Variants in PEAK3 observed in about 807,000 individuals in gnomAD.
PEAK3 encodes protein PEAK3.
A neutral mutation model predicts 13.3 loss-of-function variants in PEAK3; 15 were observed. The observed-to-expected ratio is 1.13, with a 90% CI of 0.75 to 1.73. The LOEUF (loss-of-function observed/expected upper bound fraction) is 1.73. PEAK3 is among the 40% of genes most tolerant of loss of function. The probability of loss-of-function intolerance (pLI) is 0.00; values close to 1 mark genes in which losing one functional copy is unlikely to be tolerated. For synonymous variants in PEAK3, 347 were observed against 341.9 expected (o/e 1.01, Z -0.17); for missense variants, 739 against 690.2 (o/e 1.07, Z -0.79).
At chr19:2,279,393 A>G (rs2025421442) in intron 2 of PEAK3, among the ~76,000 whole-genome samples, 1 of 152,160 alleles carries the variant, frequency 6.6e-6, no homozygotes, top group Non-Finnish European at 1.5e-5. Context: ...ACAATGGCTC[A>G]TGCCTGTAAT....
intron 3 of PEAK3, among the ~76,000 whole-genome samples, chr19:2,277,339 G>C (rs1448416255): frequency 6.6e-6 from 1 of 152,046 alleles, no homozygotes; most frequent in African/African-American, 2.4e-5. Context: ...GTTCTCGTGA[G>C]ATCTGGCTGT....
At position 2,279,120 on chromosome 19, in the gene PEAK3, G is replaced by C. The variant is rs1406128819; in HGVS notation, c.83-7C>G. ...AGGTGGGCACGGATCTGACCTGCAG[G>C]GAGAGACAGTGGGGGAGGGTTGAGG... On this transcript the variant is annotated splice_polypyrimidine_tract_variant and splice_region_variant and intron_variant, in intron 2 of 3. Transcript: ENST00000342063. The C allele has an allele frequency of 7.0e-7, 1 of 1,429,838 alleles. No homozygotes were observed. Among genetic ancestry groups the C allele is most frequent in the African/African-American group, 1.4e-5 (1 of 69,388 alleles). 88.6% of individuals were successfully genotyped at this position (1,429,838 alleles called of 1,614,324 possible). A position where few individuals can be genotyped will look rare whatever the true frequency, so the allele number is the denominator to read the frequency against.
intron 1 of PEAK3, among the ~76,000 whole-genome samples, chr19:2,281,465 G>A (rs1599160100): frequency 8.9e-6 from 1 of 112,682 alleles, no homozygotes; most frequent in Non-Finnish European, 1.8e-5. Flanking sequence ...GTGTGATCCC[G>A]AGTGGGTTTC....
rs1158858326 is a variant in PEAK3, at chr19:2,275,880, C to T, written c.1222G>A (p.Gly408Ser). The T allele has an allele frequency of 1.4e-6, 2 of 1,430,532 alleles. No individual in the cohort carries two copies. The highest frequency in any genetic ancestry group is 1.8e-6 in the Non-Finnish European group (2 of 1,099,782). 88.6% of individuals were successfully genotyped at this position (1,430,532 alleles called of 1,614,324 possible). A position where few individuals can be genotyped will look rare whatever the true frequency, so the allele number is the denominator to read the frequency against. ...CAGGGACCAAGCGGTGCTCCGCGGC[C>T]GCGCAGCTCAGGCCCGGGCCCCCAG... ...LLWGPGPELR[G>S]RGAPLGPWLR... is the part of the protein sequence containing the mutation. Residue 408 changes from glycine to serine, a missense_variant, in exon 4 of 4, where the codon GGC becomes AGC. By Grantham distance (56) the Gly-to-Ser change is moderately conservative. Coordinates refer to ENST00000342063, the MANE Select transcript of PEAK3 (RefSeq NM_198532.3).
chr19:2,275,875 G>T lies in PEAK3; in HGVS notation c.1227C>A (p.Arg409=). The T allele has an allele frequency of 2.1e-6, 3 of 1,440,308 alleles. No homozygotes were observed. The highest frequency in any genetic ancestry group is 2.7e-6 in the Non-Finnish European group (3 of 1,104,148). The allele number at this position is 1,440,308 out of a possible 1,614,324, so 89.2% of individuals were successfully genotyped here. The change falls in exon 4 of 4, where the codon CGC becomes CGA. Residue 409 remains arginine, a synonymous_variant. Transcript: ENST00000342063. Reference sequence around the variant, plus strand: ...GGAGCCAGGGACCAAGCGGTGCTCCGCGGCCGCGCAGCTCAGGCCCGGGCC... The same window carrying T: ...GGAGCCAGGGACCAAGCGGTGCTCCTCGGCCGCGCAGCTCAGGCCCGGGCC... The part of the protein sequence containing the change: ...LWGPGPELRG[R]GAPLGPWLRA...
At position 2,280,838 on chromosome 19, in the gene PEAK3, G is replaced by A. The variant is rs1182666612; in HGVS notation, c.82+12C>T. 6.2e-7 allele frequency: 1 copy of A among 1,604,750 alleles called. No homozygotes were observed. The highest frequency in any genetic ancestry group is 2.3e-5 in the East Asian group (1 of 44,046). On this transcript the variant is annotated intron_variant, in intron 2 of 3. Transcript: ENST00000342063. ...ACCCCCGCAGCCCAGGGCTCCCTGG[G>A]GAGCTGCTTACCAAGGTTGCTATAC...
chr19:2,280,993 A>G (rs991945156), intron 1 of PEAK3, 58 bp from the exon 2 acceptor site: 4 of 1,162,542 alleles, frequency 3.4e-6, no homozygotes, highest in Non-Finnish European at 4.8e-6. Flanking sequence ...ACAGGGCGAC[A>G]TGGGGAGGGG....
chr19:2,280,803 C>A (rs371294668), intron 2 of PEAK3, 47 bp downstream of exon 2: 48 of 1,501,160 alleles, frequency 3.2e-5, no homozygotes, highest in Non-Finnish European at 3.1e-5. Context: ...ACCCCCCTGC[C>A]GCTCCCTGCA....
In PEAK3 at chr19:2,276,214, C is replaced by A; in HGVS notation, c.888G>T (p.Glu296Asp). The change falls in exon 4 of 4, where the codon GAG becomes GAT. Residue 296 changes from glutamate (E) to aspartate (D), a missense_variant. Transcript: ENST00000342063. ...ACTCGACTAGGGCCGCGCCCCACGC[C>A]TCCAGGAACTTCAGGGCCGCGCTCA... ...LQLSAALKFL[E>D]AWGAALVELR... 1 of 1,572,208 alleles carries A rather than the reference C, an allele frequency of 6.4e-7. No individual in the cohort carries two copies.
At chr19:2,280,960 G>A in intron 1 of PEAK3, 25 bp from the exon 2 acceptor site, 1 of 1,466,086 alleles carries the variant, frequency 6.8e-7, no homozygotes, top group Non-Finnish European at 9.2e-7. Context: ...AACGGGGCGT[G>A]TGTGGGGTGA....
rs2145068798 is a variant in PEAK3, at chr19:2,276,124, C to T, written c.978G>A (p.Leu326=). The T allele has an allele frequency of 2.6e-6, 4 of 1,530,862 alleles. No individual in the cohort carries two copies. Among genetic ancestry groups the T allele is most frequent in the Non-Finnish European group, 3.5e-6 (4 of 1,138,444 alleles). 94.8% of individuals were successfully genotyped at this position (1,530,862 alleles called of 1,614,324 possible). Residue 326 remains leucine, a synonymous_variant, in exon 4 of 4, where the codon CTG becomes CTA. Transcript: ENST00000342063. ...AGACGCGGCCAAAGTCAGTGAGGAG[C>T]AGGCGTGGGGGCCCCGTCGTCGCAC... ...RGCATTGPPR[L]LLTDFGRVCL... is the part of the protein sequence containing the mutation.
chr19:2,281,007 G>A (rs549393161), intron 1 of PEAK3, 72 bp from the exon 2 acceptor site: 77 of 1,007,910 alleles, frequency 7.6e-5, no homozygotes, highest in Non-Finnish European at 9.6e-5. Context: ...GGAGGGGTCC[G>A]TGAGTGCTGG....
In PEAK3 at chr19:2,275,584, G is replaced by A; in HGVS notation, c.*96C>T. 1 of 1,136,096 alleles carries A rather than the reference G, an allele frequency of 8.8e-7. No homozygotes were observed. Among genetic ancestry groups the A allele is most frequent in the Non-Finnish European group, 1.2e-6 (1 of 867,822 alleles). The allele number at this position is 1,136,096 out of a possible 1,614,324, so 70.4% of individuals were successfully genotyped here. Reference sequence around the variant, plus strand: ...TCTGCTGCGCTCCTGGACTCTGCAGGAAGAGGGTGTCTTGGCTATCATGGA... The same window carrying A: ...TCTGCTGCGCTCCTGGACTCTGCAGAAAGAGGGTGTCTTGGCTATCATGGA... On this transcript the variant is annotated 3_prime_UTR_variant, in exon 4 of 4. Transcript: ENST00000342063.
At chr19:2,281,911 G>A (rs1203322533) in intron 1 of PEAK3, among the ~76,000 whole-genome samples, 176 bp downstream of exon 1, 1 of 152,212 alleles carries the variant, frequency 6.6e-6, no homozygotes, top group Non-Finnish European at 1.5e-5. Context: ...GGCCTTTGGG[G>A]GTCAGTTGCG....
Position 2,276,114 on chromosome 19 carries a change from CAGTG to C in PEAK3, c.984_987del (p.Asp330LeufsTer51). ...GGCTGCAGACAGACGCGGCCAAAGT[CAGTG>C]AGGAGCAGGCGTGGGGGCCCCGTCG... On this transcript the variant is annotated frameshift_variant, in exon 4 of 4. Transcript: ENST00000342063. LOFTEE classifies it low-confidence loss of function (END_TRUNC). 1 of 1,523,844 alleles carries C rather than the reference CAGTG, an allele frequency of 6.6e-7. No homozygotes were observed. Among genetic ancestry groups the C allele is most frequent in the Non-Finnish European group, 8.8e-7 (1 of 1,134,694 alleles). The allele number at this position is 1,523,844 out of a possible 1,614,324, so 94.4% of individuals were successfully genotyped here.
In PEAK3 at chr19:2,278,717, C is replaced by T; in HGVS notation, c.479G>A (p.Gly160Asp). The change falls in exon 3 of 4, where the codon GGC becomes GAC. Residue 160 changes from glycine to aspartate, a missense_variant. By Grantham distance (94) the Gly-to-Asp change is moderately conservative. Coordinates refer to ENST00000342063, the MANE Select transcript of PEAK3 (RefSeq NM_198532.3). ...GCCGGGGTGGCAGGGCCCGGGGTGG[C>T]CCCCCATGAGCCGGGCACGGAGCCG... is the stretch of plus-strand genomic sequence containing the variant. ...YARLRARLMG[G>D]HPGPCHPGHS... 2 of 1,529,520 alleles carry T rather than the reference C, an allele frequency of 1.3e-6. No individual in the cohort carries two copies. Among genetic ancestry groups the T allele is most frequent in the Non-Finnish European group, 1.8e-6 (2 of 1,137,032 alleles). 94.7% of individuals were successfully genotyped at this position (1,529,520 alleles called of 1,614,324 possible).
chr19:2,276,359 C>A lies in PEAK3; in HGVS notation c.743G>T (p.Arg248Ile). Residue 248 changes from arginine to isoleucine, a missense_variant, in exon 4 of 4, where the codon AGA (arginine) becomes ATA (isoleucine). Coordinates refer to ENST00000342063, the MANE Select transcript of PEAK3 (RefSeq NM_198532.3). Reference protein sequence around the residue: ...PEGTLPGAPWRGAVALAAEVP... With the variant: ...PEGTLPGAPWIGAVALAAEVP... Reference sequence around the variant, plus strand: ...CTCGGCTGCCAGCGCCACTGCGCCTCTCCAGGGCGCCCCGGGCAGTGTGCC... The same window carrying A: ...CTCGGCTGCCAGCGCCACTGCGCCTATCCAGGGCGCCCCGGGCAGTGTGCC... 6.3e-7 allele frequency: 1 copy of A among 1,599,804 alleles called. No individual in the cohort carries two copies. The highest frequency in any genetic ancestry group is 8.5e-7 in the Non-Finnish European group (1 of 1,178,866).
rs1384403606 is a variant in PEAK3 at position 2,278,348 on chromosome 19, G to A, written c.612+236C>T. ...CCTAATTTTTGTATTTTTAGTAGAG[G>A]CTGGGTTTCACCATGTTGGCCAGGC... On this transcript the variant is annotated intron_variant, in intron 3 of 3. Transcript: ENST00000342063. Among the ~76,000 whole-genome samples, 5 of 121,624 alleles carry A rather than the reference G, an allele frequency of 4.1e-5. No individual in the cohort carries two copies. In the East Asian group the frequency reaches 1.5e-3, roughly 35 times the overall value. The allele number at this position is 121,624 out of a possible 152,430, so 79.8% of individuals were successfully genotyped here. A position where few individuals can be genotyped will look rare whatever the true frequency, so the allele number is the denominator to read the frequency against.
chr19:2,278,728 C>T lies in PEAK3; in HGVS notation c.468G>A (p.Arg156=). The stretch of plus-strand genomic sequence containing the variant: ...AGGGCCCGGGGTGGCCCCCCATGAG[C>T]CGGGCACGGAGCCGGGCATAGATGG... The part of the protein sequence containing the change: ...LRTIYARLRA[R]LMGGHPGPCH... The change falls in exon 3 of 4, where the codon CGG becomes CGA. Residue 156 remains arginine (R), a synonymous_variant. Transcript: ENST00000342063. The T allele has an allele frequency of 1.3e-6, 2 of 1,532,728 alleles. No homozygotes were observed. The highest frequency in any genetic ancestry group is 1.8e-6 in the Non-Finnish European group (2 of 1,137,464). The allele number at this position is 1,532,728 out of a possible 1,614,324, so 94.9% of individuals were successfully genotyped here. A position where few individuals can be genotyped will look rare whatever the true frequency, so the allele number is the denominator to read the frequency against.
Sources: gnomAD v4.1 joint callset for allele counts (sites outside exome capture counted in the v4.1 genomes callset) on GRCh38, gnomAD v4.1.1 for gene constraint, MANE v1.5 for transcripts, NCBI Gene and HGNC (gene_info 2026-07-23, HGNC 2026-07-21) for gene names.